The following ARHGAP24 variants were observed in gnomAD, a reference collection of about 807,000 sequenced individuals.
ARHGAP24 encodes rho GTPase-activating protein 24.
In ARHGAP24, 50 loss-of-function variants were observed where a neutral mutation model predicts 76.4. The observed-to-expected ratio is 0.65, with a 90% confidence interval of 0.52 to 0.83. ARHGAP24 has a LOEUF of 0.83. ARHGAP24 is among the 40% of genes least tolerant of loss of function. The pLI, the probability that ARHGAP24 is intolerant of heterozygous loss-of-function variation, is 0.00. For synonymous variants in ARHGAP24, 345 were observed against 323.3 expected, an observed-to-expected ratio of 1.07 and a Z score of -0.72; for missense variants, 930 against 914.2, an observed-to-expected ratio of 1.02 and a Z score of -0.22.
At chr4:85,685,806 G>A (rs1402652667) in intron 2 of ARHGAP24, among the ~76,000 whole-genome samples, 1 of 152,184 alleles carries the variant, frequency 6.6e-6, no homozygotes, top group African/African-American at 2.4e-5. Context: ...AAACTCAGCG[G>A]TTTAAAACAA....
intron 2 of ARHGAP24, among the ~76,000 whole-genome samples, chr4:85,671,667 CT>C (rs568598092): frequency 7.9e-5 from 12 of 152,122 alleles, no homozygotes; most frequent in Admixed American, 5.2e-4. Context: ...TCCAAAAATA[CT>C]TTTTATGTAT....
intron 1 of ARHGAP24, among the ~76,000 whole-genome samples, chr4:85,569,631 G>T (rs1047175203): frequency 6.6e-6 from 1 of 152,162 alleles, no homozygotes; most frequent in Non-Finnish European, 1.5e-5. Context: ...CCTGAAGCTT[G>T]AGAATGGCTG....
intron 9 of ARHGAP24, among the ~76,000 whole-genome samples, chr4:85,997,381 TAG>T (rs59114444): frequency 1.3e-4 from 4 of 29,712 alleles, no homozygotes; most frequent in Non-Finnish European, 2.9e-4. Context: ...TATAGATAGA[TAG>T]ATAGATAGAT....
At chr4:85,762,963 G>A (rs1726787550) in intron 3 of ARHGAP24, among the ~76,000 whole-genome samples, 1 of 152,086 alleles carries the variant, frequency 6.6e-6, no homozygotes, top group African/African-American at 2.4e-5. Flanking sequence ...TAAATTTAGT[G>A]ACACAATAGC....
At chr4:85,702,220 G>A (rs1110777) in intron 2 of ARHGAP24, among the ~76,000 whole-genome samples, 100,006 of 151,926 alleles carry the variant, frequency 0.66, 34,773 homozygotes, top group Non-Finnish European at 0.79. Flanking sequence ...GTAGTAACTT[G>A]AAAGGGGAAG....
intron 3 of ARHGAP24, among the ~76,000 whole-genome samples, chr4:85,784,025 T>C (rs1333698904): frequency 6.6e-6 from 1 of 152,190 alleles, no homozygotes; most frequent in Non-Finnish European, 1.5e-5. Flanking sequence ...AAAATTTATA[T>C]TTTTTGTTTC....
At chr4:85,553,239 G>A (rs1726217184) in intron 1 of ARHGAP24, among the ~76,000 whole-genome samples, 1 of 152,188 alleles carries the variant, frequency 6.6e-6, no homozygotes. Context: ...GCAGCAGCAA[G>A]AGTTACTGTG....
intron 2 of ARHGAP24, among the ~76,000 whole-genome samples, chr4:85,601,410 A>T (rs949616724): frequency 2.0e-5 from 3 of 152,158 alleles, no homozygotes; most frequent in Admixed American, 2.0e-4. Context: ...CTTCCCTTTA[A>T]CTAACTTTAT....
In ARHGAP24 at chr4:85,982,399, G is replaced by T. The variant is rs1446752043; in HGVS notation, c.928+4708G>T. 2.5e-4 allele frequency among the ~76,000 whole-genome samples: 9 copies of T among 36,234 alleles called. No individual in the cohort carries two copies. In the Admixed American group the frequency reaches 3.0e-3, roughly 12 times the overall value. The allele number at this position is 36,234 out of a possible 152,430, so 23.8% of individuals were successfully genotyped here. On this transcript the variant is annotated intron_variant, in intron 8 of 9. Transcript: ENST00000395184. ...TTTTGTTTTGTTTTGTTTTGTTTTTGAAGTACAGGAAAAATGGAGAAGCAA... is the reference window on the plus strand; with the variant it reads ...TTTTGTTTTGTTTTGTTTTGTTTTTTAAGTACAGGAAAAATGGAGAAGCAA...
At chr4:85,764,454 CT>C (rs1726853398) in intron 3 of ARHGAP24, among the ~76,000 whole-genome samples, 1 of 152,080 alleles carries the variant, frequency 6.6e-6, no homozygotes, top group South Asian at 2.1e-4. Context: ...CCTTTTCATT[CT>C]TTGTAGAGAT....
intron 3 of ARHGAP24, among the ~76,000 whole-genome samples, chr4:85,821,128 G>A (rs1290242882): frequency 1.3e-5 from 2 of 152,024 alleles, no homozygotes. Context: ...CTCTACCCAT[G>A]AAAAAGATTG....
At chr4:85,757,679 G>A (rs1376430842) in intron 3 of ARHGAP24, among the ~76,000 whole-genome samples, 2 of 152,074 alleles carry the variant, frequency 1.3e-5, no homozygotes, top group East Asian at 1.9e-4. Context: ...ATAAACATAC[G>A]TGTGCATGTG....
intron 2 of ARHGAP24, among the ~76,000 whole-genome samples, chr4:85,589,910 AAAGCCATTGCTGCAC>A (rs1728013946): frequency 6.6e-6 from 1 of 152,210 alleles, no homozygotes; most frequent in South Asian, 2.1e-4. Context: ...GATATTTTTC[AAAGCCATTGCTGCAC>A]ATTGCAAATT....
intron 1 of ARHGAP24, among the ~76,000 whole-genome samples, chr4:85,492,008 C>T (rs1278558516): frequency 6.6e-6 from 1 of 151,842 alleles, no homozygotes; most frequent in Non-Finnish European, 1.5e-5. Context: ...TTTTGTCTTT[C>T]TTCCATTTTG....
intron 1 of ARHGAP24, among the ~76,000 whole-genome samples, chr4:85,563,150 G>C (rs1726667208): frequency 6.6e-6 from 1 of 152,182 alleles, no homozygotes; most frequent in South Asian, 2.1e-4. Flanking sequence ...GAGTCAAGAA[G>C]GCTGCCTTTG....
chr4:85,551,311 T>A (rs1726127991), intron 1 of ARHGAP24, among the ~76,000 whole-genome samples: 1 of 152,238 alleles, frequency 6.6e-6, no homozygotes, highest in African/African-American at 2.4e-5. Flanking sequence ...TTTAGTTCTG[T>A]TTATATGATG....
At chr4:85,639,611 CT>C (rs78349421) in intron 2 of ARHGAP24, among the ~76,000 whole-genome samples, 40,098 of 151,044 alleles carry the variant, frequency 0.27, 7,411 homozygotes, top group East Asian at 0.84. Context: ...TCTGTAATTT[CT>C]TTTTGTTTTC....
chr4:85,763,031 A>T (rs1164058504), intron 3 of ARHGAP24, among the ~76,000 whole-genome samples: 1 of 151,690 alleles, frequency 6.6e-6, no homozygotes, highest in Non-Finnish European at 1.5e-5. Flanking sequence ...AAACATTTTT[A>T]AAAGCACCAT....
chr4:85,992,809 T>C (rs1318191197), intron 8 of ARHGAP24, among the ~76,000 whole-genome samples: 1 of 151,830 alleles, frequency 6.6e-6, no homozygotes, highest in Non-Finnish European at 1.5e-5. Flanking sequence ...ATTATTACAT[T>C]GTCTTTTTTC....
Sources: allele counts gnomAD v4.1 joint callset (sites outside exome capture counted in the v4.1 genomes callset), GRCh38; gene constraint gnomAD v4.1.1; transcripts MANE v1.5; gene names NCBI Gene and HGNC (gene_info 2026-07-23, HGNC 2026-07-21).